GFRA1: variants seen among roughly 807,000 people sequenced by gnomAD.
The protein encoded by GFRA1 is GDNF family receptor alpha-1.
A neutral mutation model predicts 51.6 loss-of-function variants in GFRA1; 16 were observed. The observed-to-expected ratio is 0.31, with a 90% CI of 0.21 to 0.47. GFRA1 has a LOEUF of 0.47. Among genes scored for constraint, GFRA1 ranks in the 20% least tolerant of loss-of-function variants. GFRA1 has a pLI of 1.00. For missense variants in GFRA1, 530 were observed against 594.3 expected (o/e 0.89, Z 1.13); for synonymous variants, 270 against 241.3 (o/e 1.12, Z -1.10).
At chr10:116,167,011 G>T (rs1960522251) in intron 5 of GFRA1, among the ~76,000 whole-genome samples, 1 of 151,748 alleles carries the variant, frequency 6.6e-6, no homozygotes, top group Admixed American at 6.6e-5. Flanking sequence ...GTGTTAGCCA[G>T]GATGGTCTCA....
intron 9 of GFRA1, among the ~76,000 whole-genome samples, chr10:116,079,560 C>T (rs531854740): frequency 6.6e-6 from 1 of 152,092 alleles, no homozygotes; most frequent in Non-Finnish European, 1.5e-5. Flanking sequence ...CTTCTGCCCC[C>T]TGGAGACATT....
intron 6 of GFRA1, among the ~76,000 whole-genome samples, chr10:116,098,714 C>A (rs1389392403): frequency 6.6e-6 from 1 of 152,180 alleles, no homozygotes; most frequent in Non-Finnish European, 1.5e-5. Context: ...GTCTCTCCAG[C>A]AGACTATTAA....
intron 5 of GFRA1, among the ~76,000 whole-genome samples, chr10:116,202,417 A>G (rs566051819): frequency 1.3e-5 from 2 of 152,346 alleles, no homozygotes; most frequent in Admixed American, 6.5e-5. Context: ...TATGGTCATA[A>G]TAAGACAGTA....
intron 3 of GFRA1, among the ~76,000 whole-genome samples, chr10:116,270,424 G>A (rs926549559): frequency 6.6e-6 from 1 of 152,204 alleles, no homozygotes; most frequent in Non-Finnish European, 1.5e-5. Flanking sequence ...AAGACAGGGG[G>A]AGTCCAGACC....
chr10:116,255,619 G>T (rs1968774776), intron 4 of GFRA1: 1 of 1,288,606 alleles, frequency 7.8e-7, no homozygotes, highest in Non-Finnish European at 1.0e-6. Flanking sequence ...CTTTTCCACT[G>T]ATGTGTTAGC....
At chr10:116,115,167 T>A (rs1957364110) in intron 6 of GFRA1, among the ~76,000 whole-genome samples, 1 of 152,252 alleles carries the variant, frequency 6.6e-6, no homozygotes, top group Non-Finnish European at 1.5e-5. Flanking sequence ...GACGAGCAAT[T>A]TCCCATTCAC....
chr10:116,156,622 C>T (rs10787630), intron 5 of GFRA1, among the ~76,000 whole-genome samples: 115,752 of 152,108 alleles, frequency 0.76, 44,898 homozygotes, highest in Admixed American at 0.84. Flanking sequence ...TACAAAATAG[C>T]CTGATAATCT....
chr10:116,270,763 A>G (rs1319938290), intron 3 of GFRA1, 59 bp downstream of exon 3: 18 of 1,464,622 alleles, frequency 1.2e-5, no homozygotes, highest in Non-Finnish European at 1.4e-5. Context: ...CCCAGGGACG[A>G]AAGGCCCGCC....
In GFRA1 at chr10:116,061,308, T is replaced by C. The variant is rs180858807; in HGVS notation, c.*3090A>G. On this transcript the variant is annotated 3_prime_UTR_variant, in exon 11 of 11. Transcript: ENST00000355422. ...TCACATTCTAGATCGTTTGCTATAC[T>C]TCATGAAAAATAACCTATGTTAATC... The C allele has an allele frequency of 1.3e-5, 2 of 151,984 alleles. No individual in the cohort carries two copies. Among genetic ancestry groups the C allele is most frequent in the Admixed American group, 1.3e-4 (2 of 15,280 alleles). 9.4% of individuals were successfully genotyped at this position (151,984 alleles called of 1,614,324 possible).
intron 5 of GFRA1, among the ~76,000 whole-genome samples, chr10:116,161,976 G>C (rs915261949): frequency 2.6e-5 from 4 of 152,202 alleles, no homozygotes; most frequent in African/African-American, 9.7e-5. Context: ...ATTATTTCAG[G>C]CTTCAATCTC....
At chr10:116,118,675 C>G (rs183156014) in intron 6 of GFRA1, among the ~76,000 whole-genome samples, 1 of 152,276 alleles carries the variant, frequency 6.6e-6, no homozygotes, top group Non-Finnish European at 1.5e-5. Context: ...CATTCACACT[C>G]GAAGACGATA....
Position 116,063,573 on chromosome 10 carries a change from C to T in GFRA1, c.*825G>A, listed in dbSNP as rs1401436786. On this transcript the variant is annotated 3_prime_UTR_variant, in exon 11 of 11. Coordinates refer to ENST00000355422, the MANE Select transcript of GFRA1 (RefSeq NM_005264.8). The stretch of plus-strand genomic sequence containing the variant: ...AGTAAAATTTTTTTCTACATATAAC[C>T]TCATATGTGTAAAGAGTATTAGAGC... 6.6e-6 allele frequency: 1 copy of T among 152,042 alleles called. No individual in the cohort carries two copies. Among genetic ancestry groups the T allele is most frequent in the Non-Finnish European group, 1.5e-5 (1 of 68,020 alleles). The allele number at this position is 152,042 out of a possible 1,614,324, so 9.4% of individuals were successfully genotyped here.
chr10:116,238,716 T>C lies in GFRA1; in HGVS notation c.419-27071A>G, dbSNP rs182590665. On this transcript the variant is annotated intron_variant, in intron 4 of 10. Coordinates refer to ENST00000355422, the MANE Select transcript of GFRA1 (RefSeq NM_005264.8). The stretch of plus-strand genomic sequence containing the variant: ...TCTAATCCATTTAATCTAAAATCTA[T>C]GGGATATTACAGATTTCTCCAAGAG... Among the ~76,000 whole-genome samples the C allele has an allele frequency of 2.0e-5, 3 of 152,366 alleles. No individual in the cohort carries two copies. In the East Asian group the frequency reaches 5.8e-4, roughly 29 times the overall value.
chr10:116,125,102 T>A lies in GFRA1; in HGVS notation c.770+119A>T, dbSNP rs184183440. 7.3e-4 allele frequency: 637 copies of A among 867,352 alleles called. 4 individuals are homozygous for A. The African/African-American group carries it at 9.3e-3, about 13-fold the overall frequency. 53.7% of individuals were successfully genotyped at this position (867,352 alleles called of 1,614,324 possible). A position where few individuals can be genotyped will look rare whatever the true frequency, so the allele number is the denominator to read the frequency against. ...TTTTTGCCAATCCATTCAAATGGAC[T>A]GGGCTCCCCTCCCTCCTCTACCTTG... On this transcript the variant is annotated intron_variant, in intron 6 of 10. Transcript: ENST00000355422.
chr10:116,236,638 G>A (rs7907314), intron 4 of GFRA1, among the ~76,000 whole-genome samples: 90,893 of 151,978 alleles, frequency 0.6, 27,364 homozygotes, highest in Admixed American at 0.63. Context: ...ATGAGGGAAG[G>A]GGTAACTGTT....
intron 9 of GFRA1, among the ~76,000 whole-genome samples, chr10:116,086,650 G>A (rs77501207): frequency 6.6e-6 from 1 of 152,092 alleles, no homozygotes; most frequent in South Asian, 2.1e-4. Flanking sequence ...GGGCTCCCTG[G>A]GAGTCAAATG....
At chr10:116,255,860 C>T (rs1176345477) in intron 4 of GFRA1, 9 of 528,296 alleles carry the variant, frequency 1.7e-5, no homozygotes, top group Non-Finnish European at 1.9e-5. Context: ...AGTAGAAAAT[C>T]AGTGTTTTGG....
In GFRA1 at chr10:116,180,190, A is replaced by C. The variant is rs547927225; in HGVS notation, c.433+31441T>G. Among the ~76,000 whole-genome samples, 6 of 152,326 alleles carry C rather than the reference A, an allele frequency of 3.9e-5. No homozygotes were observed. In the Middle Eastern group the frequency reaches 0.014, roughly 345 times the overall value. ...CCTGGCTGAGGTGAACATTCAGAAA[A>C]AATAATGGTATTTCCAGAGGAAAAT... is the stretch of plus-strand genomic sequence containing the variant. On this transcript the variant is annotated intron_variant, in intron 5 of 10. Coordinates refer to ENST00000355422, the MANE Select transcript of GFRA1 (RefSeq NM_005264.8).
chr10:116,148,579 C>T (rs1958933392), intron 5 of GFRA1, among the ~76,000 whole-genome samples: 1 of 152,118 alleles, frequency 6.6e-6, no homozygotes, highest in Admixed American at 6.5e-5. Context: ...ATAGTCTTGG[C>T]TGTTGTTAGT....
Sources: gnomAD v4.1 joint callset for allele counts (sites outside exome capture counted in the v4.1 genomes callset) on GRCh38, gnomAD v4.1.1 for gene constraint, MANE v1.5 for transcripts, NCBI Gene and HGNC (gene_info 2026-07-23, HGNC 2026-07-21) for gene names.